DNAH2: variants seen among roughly 807,000 people sequenced by gnomAD.
The protein encoded by DNAH2 is dynein axonemal heavy chain 2, also known as axonemal beta dynein heavy chain 2.
DNAH2 carries 323 observed loss-of-function variants against 523.5 expected under a neutral mutation model. That is an observed-to-expected ratio of 0.62 (90% CI 0.56 to 0.68). The LOEUF (loss-of-function observed/expected upper bound fraction) is 0.68, where lower values mean the gene tolerates loss of function less well. DNAH2 is among the 30% of genes least tolerant of loss of function. DNAH2 has a pLI of 0.00. For missense variants in DNAH2, 4,907 were observed against 5,701.5 expected (o/e 0.86, Z 4.49); for synonymous variants, 2,093 against 2,177.4 (o/e 0.96, Z 1.08).
intron 7 of DNAH2, 24 bp downstream of exon 7, chr17:7,734,732 C>T (rs1331567677): frequency 2.5e-6 from 4 of 1,606,788 alleles, no homozygotes; most frequent in Non-Finnish European, 3.4e-6. Context: ...TCAAAGGATT[C>T]AGGCTCAGCA....
At chr17:7,805,193 G>T in intron 60 of DNAH2, 59 bp from the exon 61 acceptor site, 1 of 1,603,840 alleles carries the variant, frequency 6.2e-7, no homozygotes, top group African/African-American at 1.3e-5. Context: ...TGGCACCTCA[G>T]CTAGGTTCTG....
At chr17:7,830,270 C>G (rs370664168) in intron 77 of DNAH2, 30 bp from the exon 78 acceptor site, 1 of 1,596,518 alleles carries the variant, frequency 6.3e-7, no homozygotes, top group East Asian at 2.2e-5. Context: ...TGATGCATGT[C>G]ACCCCATCTT....
intron 63 of DNAH2, among the ~76,000 whole-genome samples, chr17:7,812,273 G>T (rs55649728): frequency 0.24 from 36,332 of 152,018 alleles, 5,498 homozygotes; most frequent in Middle Eastern, 0.37. Flanking sequence ...TTTCTTAGGG[G>T]GTTGATCGTG....
rs904936121 is a variant in DNAH2 at position 7,734,849 on chromosome 17, G to T, written c.978+141G>T. The T allele has an allele frequency of 1.2e-4, 96 of 779,194 alleles. No individual in the cohort carries two copies. In the South Asian group the frequency reaches 1.3e-3, roughly 11 times the overall value. The allele number at this position is 779,194 out of a possible 1,614,324, so 48.3% of individuals were successfully genotyped here. A position where few individuals can be genotyped will look rare whatever the true frequency, so the allele number is the denominator to read the frequency against. ...CCACCCAGGGTTCGGCCTTGTACTT[G>T]CAGGAGAGTATAAAATAGTAGAATA... On this transcript the variant is annotated intron_variant, in intron 7 of 85. Coordinates refer to ENST00000572933, the MANE Select transcript of DNAH2 (RefSeq NM_020877.5).
At chr17:7,741,784 C>G (rs2075361493) in intron 11 of DNAH2, among the ~76,000 whole-genome samples, 1 of 152,048 alleles carries the variant, frequency 6.6e-6, no homozygotes, top group Non-Finnish European at 1.5e-5. Context: ...CCTGCCTTAG[C>G]CTCTCAGGAG....
chr17:7,719,396 T>A (rs1199818515), intron 1 of DNAH2, among the ~76,000 whole-genome samples: 1 of 152,116 alleles, frequency 6.6e-6, no homozygotes, highest in Non-Finnish European at 1.5e-5. Flanking sequence ...CCCAAAATGC[T>A]GGGATTACAA....
intron 10 of DNAH2, 42 bp downstream of exon 10, chr17:7,740,591 G>A: frequency 3.1e-6 from 5 of 1,606,642 alleles, no homozygotes; most frequent in Non-Finnish European, 4.2e-6. Context: ...CGTCCCGCGT[G>A]CTTTCCTGGA....
At chr17:7,770,456 G>A in intron 25 of DNAH2, 48 bp downstream of exon 25, 1 of 1,612,564 alleles carries the variant, frequency 6.2e-7, no homozygotes, top group Non-Finnish European at 8.5e-7. Context: ...GCCTCCTGGA[G>A]CACAGGCTCC....
chr17:7,739,357 G>A (rs2075238078), intron 8 of DNAH2, among the ~76,000 whole-genome samples: 1 of 152,178 alleles, frequency 6.6e-6, no homozygotes, highest in African/African-American at 2.4e-5. Flanking sequence ...AGTGAGCCGA[G>A]ATCATGCCAC....
intron 12 of DNAH2, among the ~76,000 whole-genome samples, chr17:7,751,120 T>G (rs2075670328): frequency 9.6e-5 from 1 of 10,406 alleles, no homozygotes; most frequent in Non-Finnish European, 1.3e-4. Flanking sequence ...AATCAAGTTA[T>G]TTATTTATTT....
chr17:7,787,302 A>G (rs1409993143), intron 42 of DNAH2: 2 of 536,560 alleles, frequency 3.7e-6, no homozygotes, highest in Non-Finnish European at 6.6e-6. Flanking sequence ...TCACGGATGC[A>G]TGAGGCAGGA....
At chr17:7,817,438 C>T in intron 65 of DNAH2, 23 bp downstream of exon 65, 2 of 1,613,722 alleles carry the variant, frequency 1.2e-6, no homozygotes, top group Non-Finnish European at 1.7e-6. Flanking sequence ...TCAGGCATGA[C>T]AAGTAGGCTC....
At position 7,760,698 on chromosome 17, in the gene DNAH2, G is replaced by A; in HGVS notation, c.2786-42G>A. 6.3e-7 allele frequency: 1 copy of A among 1,581,868 alleles called. No individual in the cohort carries two copies. Among genetic ancestry groups the A allele is most frequent in the Non-Finnish European group, 8.6e-7 (1 of 1,161,678 alleles). On this transcript the variant is annotated intron_variant, in intron 17 of 85. Coordinates refer to ENST00000572933, the MANE Select transcript of DNAH2 (RefSeq NM_020877.5). The surrounding 1 kb of genome is among the most constrained non-coding windows in gnomAD (Gnocchi z 4.0). ...CAGGGCTCAGGCAGAAGTTGGGTTGGGGTGGAAGTCAGTGAGAAGCATCTT... is the reference window on the plus strand; with the variant it reads ...CAGGGCTCAGGCAGAAGTTGGGTTGAGGTGGAAGTCAGTGAGAAGCATCTT...
At chr17:7,763,694 T>A (rs2076071623) in intron 18 of DNAH2, 137 bp from the exon 19 acceptor site, 1 of 942,762 alleles carries the variant, frequency 1.1e-6, no homozygotes, top group East Asian at 2.4e-5. Flanking sequence ...GAATGAGGGA[T>A]GCCTGGGAGT....
intron 12 of DNAH2, among the ~76,000 whole-genome samples, chr17:7,744,998 T>G (rs921891889): frequency 6.0e-5 from 9 of 149,300 alleles, no homozygotes; most frequent in African/African-American, 2.2e-4. Context: ...TTACATTTCT[T>G]TTTTTTTTTT....
chr17:7,738,023 G>T (rs1442884056), intron 8 of DNAH2: 10 of 703,158 alleles, frequency 1.4e-5, no homozygotes, highest in African/African-American at 7.0e-5. Context: ...GATCTTTGAG[G>T]GATATGTCTC....
In DNAH2 at chr17:7,774,839, C is replaced by T. The variant is rs576626688; in HGVS notation, c.4582C>T (p.Arg1528Ter). 2.8e-5 allele frequency: 45 copies of T among 1,614,188 alleles called. No homozygotes were observed. Among genetic ancestry groups the T allele is most frequent in the South Asian group, 7.7e-5 (7 of 91,088 alleles). ...KSLDMYLETK[R>*]HIFPRFYFLS... ...TCTGGATATGTATTTAGAGACCAAGCGACATATTTTCCCCCGCTTCTACTT... is the reference window on the plus strand; with the variant it reads ...TCTGGATATGTATTTAGAGACCAAGTGACATATTTTCCCCCGCTTCTACTT... The change falls in exon 29 of 86, where the codon CGA becomes TGA. Residue 1528 changes from arginine to a stop codon, truncating the protein, a stop_gained. Coordinates refer to ENST00000572933, the MANE Select transcript of DNAH2 (RefSeq NM_020877.5). LOFTEE classifies it high-confidence loss of function.
chr17:7,810,340 C>T (rs546873815), intron 63 of DNAH2, among the ~76,000 whole-genome samples: 29 of 152,090 alleles, frequency 1.9e-4, no homozygotes, highest in African/African-American at 5.1e-4. Flanking sequence ...GCTAGGATTA[C>T]AAGGGTGAGC....
Position 7,751,922 on chromosome 17 carries a change from T to G in DNAH2, c.1905-5169T>G, listed in dbSNP as rs8073929. Among the ~76,000 whole-genome samples the G allele has an allele frequency of 8.3e-3, 243 of 29,314 alleles. No homozygotes were observed. The East Asian group carries it at 0.18, about 22-fold the overall frequency. 19.2% of individuals were successfully genotyped at this position (29,314 alleles called of 152,430 possible). ...AGTCTTTCCAAGAATAGTTGTGGGGTGTGTGTGTGTGTGTGTGTGTGTGTG... is the reference window on the plus strand; with the variant it reads ...AGTCTTTCCAAGAATAGTTGTGGGGGGTGTGTGTGTGTGTGTGTGTGTGTG... On this transcript the variant is annotated intron_variant, in intron 12 of 85. Coordinates refer to ENST00000572933, the MANE Select transcript of DNAH2 (RefSeq NM_020877.5).
Sources: allele counts gnomAD v4.1 joint callset (sites outside exome capture counted in the v4.1 genomes callset), GRCh38; gene constraint gnomAD v4.1.1; non-coding constraint Gnocchi (gnomAD v3.1); transcripts MANE v1.5; gene names NCBI Gene and HGNC (gene_info 2026-07-23, HGNC 2026-07-21).